LHX9: variants seen among roughly 807,000 people sequenced by gnomAD.
The protein encoded by LHX9 is LIM/homeobox protein Lhx9.
Under a neutral mutation model 36.5 loss-of-function variants are expected in LHX9, and 9 were observed. The observed-to-expected ratio is 0.25, with a 90% CI of 0.15 to 0.43. LHX9 has a LOEUF of 0.43. Ranked by LOEUF, LHX9 falls within the 20% of genes least tolerant of loss-of-function variation. LHX9 has a pLI of 1.00. For missense variants in LHX9, 464 were observed against 526.4 expected (o/e 0.88, Z 1.16); for synonymous variants, 211 against 212.1 (o/e 0.99, Z 0.04).
At chr1:197,917,090 ATGTG>A (rs5779891), upstream of LHX9, 1,314 of 157,498 alleles carry the variant, frequency 8.3e-3, 14 homozygotes, top group African/African-American at 0.029. Flanking sequence ...TCTTGGAAGG[ATGTG>A]TGTGTGTGTG....
chr1:197,918,074 T>A (rs902947386), intron 1 of LHX9, 77 bp downstream of exon 1: 92 of 1,513,154 alleles, frequency 6.1e-5, no homozygotes, highest in Non-Finnish European at 7.7e-5. Flanking sequence ...CCCTGGCCGG[T>A]GGAGAACCGG....
At chr1:197,912,685 T>A, upstream of LHX9, 1 of 1,028,952 alleles carries the variant, frequency 9.7e-7, no homozygotes, top group Non-Finnish European at 1.5e-6. Flanking sequence ...GTGTTTGTCT[T>A]AAAAATTAAA....
chr1:197,920,674 C>G (rs1659954778), intron 2 of LHX9, among the ~76,000 whole-genome samples: 1 of 152,146 alleles, frequency 6.6e-6, no homozygotes, highest in Non-Finnish European at 1.5e-5. Flanking sequence ...GTTCCGGGTT[C>G]CTTTTATCGC....
intron 3 of LHX9, among the ~76,000 whole-genome samples, chr1:197,923,295 C>A (rs1437627900): frequency 6.6e-6 from 1 of 152,208 alleles, no homozygotes; most frequent in Non-Finnish European, 1.5e-5. Context: ...GTTTTGGCAA[C>A]CCTCAGTAGT....
Position 197,927,809 on chromosome 1 carries a change from C to T in LHX9, c.936+16C>T. 6.2e-7 allele frequency: 1 copy of T among 1,600,428 alleles called. No individual in the cohort carries two copies. Among genetic ancestry groups the T allele is most frequent in the Non-Finnish European group, 8.6e-7 (1 of 1,167,484 alleles). On this transcript the variant is annotated intron_variant, in intron 4 of 4. Coordinates refer to ENST00000367387, the MANE Select transcript of LHX9 (RefSeq NM_020204.3). The stretch of plus-strand genomic sequence containing the variant: ...AGTTTTGCAGGTAAGACACATGCAT[C>T]ATTGACTGTGCATACATTTCCCTTC...
chr1:197,928,135 C>A (rs1032885520), intron 4 of LHX9, among the ~76,000 whole-genome samples: 3 of 152,152 alleles, frequency 2.0e-5, no homozygotes, highest in Non-Finnish European at 4.4e-5. Flanking sequence ...ATGCTCAGTG[C>A]ACGGACTTGA....
upstream of LHX9, among the ~76,000 whole-genome samples, chr1:197,915,004 C>T (rs781275834): frequency 1.4e-4 from 22 of 152,140 alleles, no homozygotes; most frequent in Non-Finnish European, 2.5e-4. Flanking sequence ...TCCCTGGAGA[C>T]GCTGTAAAGT....
chr1:197,929,420 G>A lies in LHX9; in HGVS notation c.*161G>A. On this transcript the variant is annotated 3_prime_UTR_variant, in exon 5 of 5. Coordinates refer to ENST00000367387, the MANE Select transcript of LHX9 (RefSeq NM_020204.3). ...TGGTGTGTAGCATCTGCAGCCACTT[G>A]GCAAATGAGTTTACAGTATTGTCTC... 1 of 1,152,612 alleles carries A rather than the reference G, an allele frequency of 8.7e-7. No individual in the cohort carries two copies. Among genetic ancestry groups the A allele is most frequent in the East Asian group, 4.2e-5 (1 of 23,726 alleles). The allele number at this position is 1,152,612 out of a possible 1,614,324, so 71.4% of individuals were successfully genotyped here.
chr1:197,917,298 ACTC>A (rs1659793345), upstream of LHX9: 3 of 1,235,340 alleles, frequency 2.4e-6, no homozygotes, highest in Non-Finnish European at 3.1e-6. Context: ...CGGGGAGAGA[ACTC>A]CTCCTACTAA....
At position 197,929,270 on chromosome 1, in the gene LHX9, T is replaced by G. The variant is rs778562854; in HGVS notation, c.*11T>G. On this transcript the variant is annotated 3_prime_UTR_variant, in exon 5 of 5. Coordinates refer to ENST00000367387, the MANE Select transcript of LHX9 (RefSeq NM_020204.3). ...ACAAACCTTTTCTAACATTGGTTTT[T>G]TTTTTTTAGTTTTTAAATTCTTCCT... The G allele has an allele frequency of 7.4e-7, 1 of 1,357,360 alleles. No homozygotes were observed. Among genetic ancestry groups the G allele is most frequent in the East Asian group, 2.7e-5 (1 of 36,510 alleles). The allele number at this position is 1,357,360 out of a possible 1,614,324, so 84.1% of individuals were successfully genotyped here.
chr1:197,919,173 A>G (rs527662847), intron 1 of LHX9, among the ~76,000 whole-genome samples: 1 of 152,256 alleles, frequency 6.6e-6, no homozygotes, highest in Non-Finnish European at 1.5e-5. Context: ...CAAATTTTGC[A>G]GCGGGGCTGG....
rs1283562731 is a variant in LHX9 at position 197,917,498 on chromosome 1, C to T, written c.-326C>T. ...TCTTCACCAGATTTTGTTTTCCTCC[C>T]CCCGCTGCAGTTGTTTCCCATTAGT... On this transcript the variant is annotated 5_prime_UTR_variant, in exon 1 of 5. Coordinates refer to ENST00000367387, the MANE Select transcript of LHX9 (RefSeq NM_020204.3). 2.9e-6 allele frequency: 4 copies of T among 1,388,894 alleles called. No homozygotes were observed. The highest frequency in any genetic ancestry group is 3.8e-6 in the Non-Finnish European group (4 of 1,044,312). 86.0% of individuals were successfully genotyped at this position (1,388,894 alleles called of 1,614,324 possible). A position where few individuals can be genotyped will look rare whatever the true frequency, so the allele number is the denominator to read the frequency against.
At position 197,921,272 on chromosome 1, in the gene LHX9, A is replaced by G. The variant is rs1659975755; in HGVS notation, c.378-32A>G. 6.3e-7 allele frequency: 1 copy of G among 1,578,816 alleles called. No homozygotes were observed. Among genetic ancestry groups the G allele is most frequent in the South Asian group, 1.2e-5 (1 of 85,292 alleles). On this transcript the variant is annotated intron_variant, in intron 2 of 4. Transcript: ENST00000367387. The surrounding 1 kb of genome is among the most constrained non-coding windows in gnomAD (Gnocchi z 4.6). ...TGGGATATGGCTCTGCCTTGCTTCA[A>G]CTAGCGCCCTGACTCAACTCTTTCC... is the stretch of plus-strand genomic sequence containing the variant.
chr1:197,917,012 A>G (rs1325236410), upstream of LHX9, among the ~76,000 whole-genome samples: 2 of 152,182 alleles, frequency 1.3e-5, no homozygotes, highest in East Asian at 3.8e-4. Flanking sequence ...GGCGGGTTCT[A>G]GGCCTTCTGC....
rs766180990 is a variant in LHX9 at position 197,929,254 on chromosome 1, T to C, written c.1189T>C (p.Phe397Leu). The change falls in exon 5 of 5, where the codon TTC becomes CTC. Residue 397 changes from phenylalanine (F) to leucine (L), a missense_variant. Around this residue, in one of 5 missense-constraint regions of LHX9, gnomAD observed 102 missense variants for 97.0 expected, o/e 1.05. Transcript: ENST00000367387. ...CTCACAAACTACCTTAACAAACCTT[T>C]TCTAACATTGGTTTTTTTTTTTTAG... is the stretch of plus-strand genomic sequence containing the variant. The part of the protein sequence containing the change: ...SPSQTTLTNL[F>L] 2.2e-6 allele frequency: 3 copies of C among 1,389,414 alleles called. No individual in the cohort carries two copies. The highest frequency in any genetic ancestry group is 9.4e-7 in the Non-Finnish European group (1 of 1,063,972). 86.1% of individuals were successfully genotyped at this position (1,389,414 alleles called of 1,614,324 possible).
In LHX9 at chr1:197,932,287, G is replaced by A. The variant is rs2102605830; in HGVS notation, c.*3028G>A. On this transcript the variant is annotated 3_prime_UTR_variant, in exon 5 of 5. Coordinates refer to ENST00000367387, the MANE Select transcript of LHX9 (RefSeq NM_020204.3). ...TTATTGAAAAAAATTTCACACATTT[G>A]TCAAGCACAGTTGTAAAATAAAGTC... The A allele has an allele frequency of 4.1e-6, 1 of 245,164 alleles. No individual in the cohort carries two copies. The highest frequency in any genetic ancestry group is 7.9e-6 in the Non-Finnish European group (1 of 127,154). 15.2% of individuals were successfully genotyped at this position (245,164 alleles called of 1,614,324 possible).
upstream of LHX9, chr1:197,912,984 G>A (rs41269901): frequency 0.018 from 3,382 of 191,810 alleles, 41 homozygotes; most frequent in Admixed American, 0.029. Context: ...CTGGAAACTG[G>A]CTTCACCCAC....
At chr1:197,917,253 G>A (rs1019533868), upstream of LHX9, 18 of 1,217,278 alleles carry the variant, frequency 1.5e-5, no homozygotes, top group Non-Finnish European at 1.9e-5. Flanking sequence ...AGTATGACAG[G>A]TCTTTGTTGT....
rs1383886994 is a variant in LHX9 at position 197,917,500 on chromosome 1, C to T, written c.-324C>T. 2.4e-5 allele frequency: 34 copies of T among 1,392,038 alleles called. No individual in the cohort carries two copies. The highest frequency in any genetic ancestry group is 3.9e-5 in the East Asian group (1 of 25,660). 86.2% of individuals were successfully genotyped at this position (1,392,038 alleles called of 1,614,324 possible). On this transcript the variant is annotated 5_prime_UTR_variant, in exon 1 of 5. Transcript: ENST00000367387. The stretch of plus-strand genomic sequence containing the variant: ...TTCACCAGATTTTGTTTTCCTCCCC[C>T]CGCTGCAGTTGTTTCCCATTAGTAA...
Sources: allele counts gnomAD v4.1 joint callset (sites outside exome capture counted in the v4.1 genomes callset), GRCh38; gene constraint gnomAD v4.1.1; regional missense constraint gnomAD v4.1.1; non-coding constraint Gnocchi (gnomAD v3.1); transcripts MANE v1.5; gene names NCBI Gene and HGNC (gene_info 2026-07-23, HGNC 2026-07-21).